Variants in PTPRG observed in about 807,000 individuals in gnomAD.
The protein encoded by PTPRG is protein tyrosine phosphatase receptor type G, also known as receptor-type tyrosine-protein phosphatase gamma.
In PTPRG, 102 loss-of-function variants were observed where a neutral mutation model predicts 165.3. The ratio of observed to expected loss-of-function variants is 0.62; its 90% CI spans 0.53 to 0.73. The LOEUF (loss-of-function observed/expected upper bound fraction) is 0.73, where lower values mean the gene tolerates loss of function less well. Ranked by LOEUF, PTPRG falls within the 30% of genes least tolerant of loss-of-function variation. PTPRG has a pLI of 0.00. For synonymous variants in PTPRG, 675 were observed against 669.5 expected (o/e 1.01, Z -0.13); for missense variants, 1,866 against 1,861.4 (o/e 1.00, Z -0.05).
chr3:62,197,138 T>C (rs189791379), intron 10 of PTPRG, among the ~76,000 whole-genome samples: 2 of 152,266 alleles, frequency 1.3e-5, no homozygotes, highest in African/African-American at 4.8e-5. Flanking sequence ...TTGAGAATGT[T>C]TCTTAACTGC....
chr3:61,609,131 C>G (rs866045611), intron 1 of PTPRG, among the ~76,000 whole-genome samples: 1 of 152,164 alleles, frequency 6.6e-6, no homozygotes. Flanking sequence ...GGACGATATA[C>G]CTTCATCAAG....
rs1290082026 is a variant in PTPRG at position 61,923,564 on chromosome 3, A to G, written c.191-66061A>G. The stretch of plus-strand genomic sequence containing the variant: ...TAATGCCAACCCTTCCCCTCCCCCC[A>G]CCCCACAACAGCCCCCGGTGTGTGA... On this transcript the variant is annotated intron_variant, in intron 2 of 29. Coordinates refer to ENST00000474889, the MANE Select transcript of PTPRG (RefSeq NM_002841.4). Among the ~76,000 whole-genome samples the G allele has an allele frequency of 3.4e-4, 16 of 47,138 alleles. 2 individuals are homozygous for G. The highest frequency in any genetic ancestry group is 1.7e-3 in the Admixed American group (7 of 4,008). 30.9% of individuals were successfully genotyped at this position (47,138 alleles called of 152,430 possible).
At chr3:61,933,263 T>C (rs1465693226) in intron 2 of PTPRG, among the ~76,000 whole-genome samples, 1 of 152,232 alleles carries the variant, frequency 6.6e-6, no homozygotes, top group African/African-American at 2.4e-5. Flanking sequence ...AAAATGATGC[T>C]GAGATACGAT....
intron 1 of PTPRG, among the ~76,000 whole-genome samples, chr3:61,717,749 A>G (rs1043000655): frequency 5.3e-5 from 8 of 151,908 alleles, no homozygotes; most frequent in Admixed American, 3.9e-4. Context: ...AGTTTGAGCC[A>G]CTGCACTCCA....
At chr3:61,912,199 A>AGG (rs1204477196) in intron 2 of PTPRG, among the ~76,000 whole-genome samples, 1 of 152,114 alleles carries the variant, frequency 6.6e-6, no homozygotes, top group Non-Finnish European at 1.5e-5. Flanking sequence ...AGTCAGCTTT[A>AGG]GAAATACCCC....
At chr3:61,846,649 C>T (rs1219631833) in intron 2 of PTPRG, among the ~76,000 whole-genome samples, 2 of 152,072 alleles carry the variant, frequency 1.3e-5, no homozygotes, top group African/African-American at 2.4e-5. Context: ...GGCGTGGTGG[C>T]TCATGCTTGT....
At chr3:61,694,455 C>T (rs907366451) in intron 1 of PTPRG, among the ~76,000 whole-genome samples, 3 of 152,202 alleles carry the variant, frequency 2.0e-5, no homozygotes, top group Non-Finnish European at 4.4e-5. Flanking sequence ...TACTCCTAGA[C>T]TGCAACTGTG....
chr3:62,102,649 A>T (rs1702331894), intron 5 of PTPRG, among the ~76,000 whole-genome samples: 1 of 152,168 alleles, frequency 6.6e-6, no homozygotes, highest in African/African-American at 2.4e-5. Context: ...ACTGGTTGCT[A>T]GGAAATCTGT....
chr3:61,688,685 T>C (rs555947680), intron 1 of PTPRG, among the ~76,000 whole-genome samples: 2 of 152,208 alleles, frequency 1.3e-5, no homozygotes, highest in Non-Finnish European at 2.9e-5. Flanking sequence ...GACTTAACGC[T>C]TATGTTTGCA....
chr3:62,206,825 G>A (rs868495537), intron 12 of PTPRG, among the ~76,000 whole-genome samples: 40 of 151,080 alleles, frequency 2.6e-4, no homozygotes, highest in Admixed American at 2.2e-3. Context: ...CCAGCCACTC[G>A]GGAGGCTGAG....
At chr3:61,886,535 T>A (rs993630799) in intron 2 of PTPRG, among the ~76,000 whole-genome samples, 2 of 152,132 alleles carry the variant, frequency 1.3e-5, no homozygotes, top group African/African-American at 4.8e-5. Context: ...GTCTACAACT[T>A]GTCCTGTATG....
intron 3 of PTPRG, among the ~76,000 whole-genome samples, chr3:61,991,884 G>A (rs1004971057): frequency 6.6e-6 from 1 of 152,138 alleles, no homozygotes; most frequent in Non-Finnish European, 1.5e-5. Context: ...ACGTATGTAG[G>A]GTTCACTCGA....
chr3:62,083,106 A>C (rs2106770698), intron 5 of PTPRG, among the ~76,000 whole-genome samples: 1 of 152,358 alleles, frequency 6.6e-6, no homozygotes, highest in African/African-American at 2.4e-5. Flanking sequence ...TAGTTGATTT[A>C]TGTAAGTACA....
chr3:61,595,043 A>T (rs1397907549), intron 1 of PTPRG, among the ~76,000 whole-genome samples: 2 of 152,066 alleles, frequency 1.3e-5, no homozygotes, highest in Admixed American at 1.3e-4. Context: ...CTGTTTATTT[A>T]CAGATGTTTG....
Position 62,292,688 on chromosome 3 carries a change from T to C in PTPRG, c.4191+132T>C, listed in dbSNP as rs979499596. The C allele has an allele frequency of 3.8e-6, 4 of 1,063,282 alleles. No homozygotes were observed. In the South Asian group the frequency reaches 6.4e-5, roughly 17 times the overall value. The allele number at this position is 1,063,282 out of a possible 1,614,324, so 65.9% of individuals were successfully genotyped here. On this transcript the variant is annotated intron_variant, in intron 29 of 29. Transcript: ENST00000474889. ...CATTTGGCCATGTCTGGAGACTTTTTTGCTTGTCACAACTGCAGATGGATG... is the reference window on the plus strand; with the variant it reads ...CATTTGGCCATGTCTGGAGACTTTTCTGCTTGTCACAACTGCAGATGGATG...
chr3:61,749,659 A>C (rs1194294553), intron 2 of PTPRG: 1 of 154,416 alleles, frequency 6.5e-6, no homozygotes, highest in African/African-American at 2.4e-5. Flanking sequence ...CTCCCAAAAT[A>C]TGAGAGGTGG....
intron 4 of PTPRG, among the ~76,000 whole-genome samples, chr3:62,015,589 A>ACC (rs1246561112): frequency 6.6e-6 from 1 of 151,976 alleles, no homozygotes. Flanking sequence ...CAATCGTTCC[A>ACC]CCCCAGCCTC....
intron 2 of PTPRG, among the ~76,000 whole-genome samples, chr3:61,855,178 G>T (rs532370632): frequency 3.9e-5 from 6 of 152,296 alleles, no homozygotes; most frequent in African/African-American, 1.2e-4. Flanking sequence ...GATTGCAGCT[G>T]CTGACCTTAA....
At chr3:62,288,215 G>T (rs1016044900) in intron 28 of PTPRG, among the ~76,000 whole-genome samples, 1 of 148,940 alleles carries the variant, frequency 6.7e-6, no homozygotes, top group Non-Finnish European at 1.5e-5. Flanking sequence ...CAAGCATTCA[G>T]CTCAAGCCAG....
Sources: gnomAD v4.1 joint callset for allele counts (sites outside exome capture counted in the v4.1 genomes callset) on GRCh38, gnomAD v4.1.1 for gene constraint, MANE v1.5 for transcripts, NCBI Gene and HGNC (gene_info 2026-07-23, HGNC 2026-07-21) for gene names.